The following NFIX variants were observed in gnomAD, a reference collection of about 807,000 sequenced individuals.
NFIX encodes nuclear factor I X.
NFIX carries 2 observed loss-of-function variants against 53.3 expected under a neutral mutation model. That is an observed-to-expected ratio of 0.04 (90% CI 0.02 to 0.12). NFIX has a LOEUF of 0.12. Among genes scored for constraint, NFIX ranks in the 10% least tolerant of loss-of-function variants. The probability of loss-of-function intolerance (pLI) is 1.00; values close to 1 mark genes in which losing one functional copy is unlikely to be tolerated. For synonymous variants in NFIX, 244 were observed against 289.0 expected (o/e 0.84, Z 1.58); for missense variants, 310 against 674.5 (o/e 0.46, Z 5.99).
Position 13,006,122 on chromosome 19 carries a change from T to C in NFIX, c.27+10258T>C, listed in dbSNP as rs1313943102. Reference sequence around the variant, plus strand: ...ACTGTGAATCTGATAAACAAGGGAGTGTCCAGTCCTTGAGATGGCGCTAGG... The same window carrying C: ...ACTGTGAATCTGATAAACAAGGGAGCGTCCAGTCCTTGAGATGGCGCTAGG... On this transcript the variant is annotated intron_variant, in intron 1 of 10. Transcript: ENST00000592199. The surrounding 1 kb of genome is among the most constrained non-coding windows in gnomAD (Gnocchi z 5.6). Among the ~76,000 whole-genome samples the C allele has an allele frequency of 2.0e-5, 3 of 151,888 alleles. No homozygotes were observed. Among genetic ancestry groups the C allele is most frequent in the Non-Finnish European group, 4.4e-5 (3 of 67,960 alleles).
At chr19:13,029,308 A>G (rs1599746352) in intron 2 of NFIX, among the ~76,000 whole-genome samples, 1 of 152,138 alleles carries the variant, frequency 6.6e-6, no homozygotes. Context: ...TACCACTATT[A>G]TACCCATTAA....
chr19:13,007,567 C>A (rs1255753664), intron 1 of NFIX, among the ~76,000 whole-genome samples: 1 of 152,196 alleles, frequency 6.6e-6, no homozygotes, highest in African/African-American at 2.4e-5. Context: ...CAACCTCTCC[C>A]TTTCCCTAAG....
rs1237200375 is a variant in NFIX, at chr19:13,049,956, AT to A, written c.560-23090del. ...TGTGCCACATTTTGTTTATCCATTC[AT>A]ACATTGATGGATATTTGGGCTCTTT... is the stretch of plus-strand genomic sequence containing the variant. On this transcript the variant is annotated intron_variant, in intron 2 of 10. Coordinates refer to ENST00000592199, the MANE Select transcript of NFIX (RefSeq NM_001365902.3). This position sits in a 1 kb window ranked among gnomAD's most constrained non-coding sequence, Gnocchi z 4.5. 6.6e-6 allele frequency among the ~76,000 whole-genome samples: 1 copy of A among 152,212 alleles called. No homozygotes were observed. Among genetic ancestry groups the A allele is most frequent in the African/African-American group, 2.4e-5 (1 of 41,448 alleles).
Position 13,043,467 on chromosome 19 carries a change from G to A in NFIX, c.559+17915G>A, listed in dbSNP as rs1254631823. On this transcript the variant is annotated intron_variant, in intron 2 of 10. Coordinates refer to ENST00000592199, the MANE Select transcript of NFIX (RefSeq NM_001365902.3). This position sits in a 1 kb window ranked among gnomAD's most constrained non-coding sequence, Gnocchi z 4.0. The stretch of plus-strand genomic sequence containing the variant: ...AGGTGCAAGCCCATGCTGGCCGCCA[G>A]CACGTGCCAGAGAGCTCCTGAGGAA... Among the ~76,000 whole-genome samples, 4 of 152,234 alleles carry A rather than the reference G, an allele frequency of 2.6e-5. No homozygotes were observed. The highest frequency in any genetic ancestry group is 7.2e-5 in the African/African-American group (3 of 41,458).
chr19:13,010,457 T>C (rs1478828927), intron 1 of NFIX, among the ~76,000 whole-genome samples: 1 of 152,268 alleles, frequency 6.6e-6, no homozygotes, highest in Non-Finnish European at 1.5e-5. Flanking sequence ...CAGCATGCCC[T>C]TGCCCGGCGC....
Position 13,012,598 on chromosome 19 carries a change from G to T in NFIX, c.28-12423G>T, listed in dbSNP as rs966451171. Among the ~76,000 whole-genome samples, 2 of 152,236 alleles carry T rather than the reference G, an allele frequency of 1.3e-5. No individual in the cohort carries two copies. Among genetic ancestry groups the T allele is most frequent in the African/African-American group, 4.8e-5 (2 of 41,468 alleles). Reference sequence around the variant, plus strand: ...TAGTTTGTCCCCCAGGCGCGCGGGGGTTGGGGGTTCAGGGCCGCCTGTGCC... The same window carrying T: ...TAGTTTGTCCCCCAGGCGCGCGGGGTTTGGGGGTTCAGGGCCGCCTGTGCC... On this transcript the variant is annotated intron_variant, in intron 1 of 10. Coordinates refer to ENST00000592199, the MANE Select transcript of NFIX (RefSeq NM_001365902.3). This position sits in a 1 kb window ranked among gnomAD's most constrained non-coding sequence, Gnocchi z 5.0.
At position 13,073,618 on chromosome 19, in the gene NFIX, A is replaced by G; in HGVS notation, c.697+122A>G. The G allele has an allele frequency of 2.2e-6, 2 of 919,224 alleles. No individual in the cohort carries two copies. Among genetic ancestry groups the G allele is most frequent in the Non-Finnish European group, 3.5e-6 (2 of 572,188 alleles). The allele number at this position is 919,224 out of a possible 1,614,324, so 56.9% of individuals were successfully genotyped here. ...GATGGGAACAGATGCTTTCTGGGAC[A>G]CTCTCGGCTTCACTGGTGCTGGGCT... is the stretch of plus-strand genomic sequence containing the variant. On this transcript the variant is annotated intron_variant, in intron 4 of 10. Coordinates refer to ENST00000592199, the MANE Select transcript of NFIX (RefSeq NM_001365902.3). The surrounding 1 kb of genome is among the most constrained non-coding windows in gnomAD (Gnocchi z 4.5).
In NFIX at chr19:13,021,658, C is replaced by T. The variant is rs1460481951; in HGVS notation, c.28-3363C>T. Among the ~76,000 whole-genome samples, 1 of 152,188 alleles carries T rather than the reference C, an allele frequency of 6.6e-6. No homozygotes were observed. The highest frequency in any genetic ancestry group is 1.5e-5 in the Non-Finnish European group (1 of 68,038). ...CTGCAGCCACATCCTTCTTCCTCTG[C>T]TTTTCCTTTTATGTCATATCTATTT... On this transcript the variant is annotated intron_variant, in intron 1 of 10. Coordinates refer to ENST00000592199, the MANE Select transcript of NFIX (RefSeq NM_001365902.3). This position sits in a 1 kb window ranked among gnomAD's most constrained non-coding sequence, Gnocchi z 4.2.
In NFIX at chr19:13,002,341, G is replaced by A. The variant is rs913988476; in HGVS notation, c.27+6477G>A. On this transcript the variant is annotated intron_variant, in intron 1 of 10. Transcript: ENST00000592199. This position sits in a 1 kb window ranked among gnomAD's most constrained non-coding sequence, Gnocchi z 6.1. The stretch of plus-strand genomic sequence containing the variant: ...GATTTTTGGCTCCAGCTCTGGGCGC[G>A]TTCACTAAAGGAAGAAGGGCTAGCT... Among the ~76,000 whole-genome samples the A allele has an allele frequency of 4.6e-5, 7 of 151,896 alleles. No homozygotes were observed. The highest frequency in any genetic ancestry group is 8.8e-5 in the Non-Finnish European group (6 of 67,954).
In NFIX at chr19:13,040,393, C is replaced by T. The variant is rs1045988255; in HGVS notation, c.559+14841C>T. Among the ~76,000 whole-genome samples the T allele has an allele frequency of 2.0e-5, 3 of 152,256 alleles. No homozygotes were observed. Among genetic ancestry groups the T allele is most frequent in the African/African-American group, 7.2e-5 (3 of 41,472 alleles). On this transcript the variant is annotated intron_variant, in intron 2 of 10. Transcript: ENST00000592199. This position sits in a 1 kb window ranked among gnomAD's most constrained non-coding sequence, Gnocchi z 4.2. Reference sequence around the variant, plus strand: ...ACTTGGTCTGCGGAGCAGCCAAACTCACTCGTGACAGGGTCTCTTCCCGTG... The same window carrying T: ...ACTTGGTCTGCGGAGCAGCCAAACTTACTCGTGACAGGGTCTCTTCCCGTG...
rs141145531 is a variant in NFIX, at chr19:13,014,961, C to T, written c.28-10060C>T. On this transcript the variant is annotated intron_variant, in intron 1 of 10. Coordinates refer to ENST00000592199, the MANE Select transcript of NFIX (RefSeq NM_001365902.3). This position sits in a 1 kb window ranked among gnomAD's most constrained non-coding sequence, Gnocchi z 4.4. The stretch of plus-strand genomic sequence containing the variant: ...AGAAGGGAAAGGGGATCCTGAAGTG[C>T]CTGAGGAAGAAACAGCAATGAGAAA... Among the ~76,000 whole-genome samples, 485 of 152,258 alleles carry T rather than the reference C, an allele frequency of 3.2e-3. 2 individuals carry two copies. The highest frequency in any genetic ancestry group is 0.011 in the African/African-American group (448 of 41,534).
intron 2 of NFIX, among the ~76,000 whole-genome samples, chr19:13,058,190 G>C (rs2015833504): frequency 6.6e-6 from 1 of 152,048 alleles, no homozygotes; most frequent in Non-Finnish European, 1.5e-5. Flanking sequence ...GAGGGGTTTT[G>C]CATGGGCTTC....
In NFIX at chr19:13,080,799, G is replaced by C. The variant is rs181882158; in HGVS notation, c.1079-881G>C. ...GCGGATCACAAGGTCAGGAGATCGA[G>C]ACCATTCTGGCTAACACGGTGAAAC... On this transcript the variant is annotated intron_variant, in intron 7 of 10. Transcript: ENST00000592199. Among the ~76,000 whole-genome samples the C allele has an allele frequency of 3.8e-3, 580 of 152,094 alleles. 17 individuals carry two copies. Among genetic ancestry groups the C allele is most frequent in the Admixed American group, 0.033 (510 of 15,284 alleles).
At chr19:13,064,636 C>T (rs1042063779) in intron 2 of NFIX, among the ~76,000 whole-genome samples, 3 of 152,154 alleles carry the variant, frequency 2.0e-5, no homozygotes, top group Admixed American at 1.3e-4. Flanking sequence ...CAAGGGAGCC[C>T]CTCTGTTCAC....
rs556664493 is a variant in NFIX at position 13,004,454 on chromosome 19, C to G, written c.27+8590C>G. ...TGCCATGTACACAGTCCAGTGTTACCCCAGCACACAGGGACGAGAGCCACA... is the reference window on the plus strand; with the variant it reads ...TGCCATGTACACAGTCCAGTGTTACGCCAGCACACAGGGACGAGAGCCACA... On this transcript the variant is annotated intron_variant, in intron 1 of 10. Coordinates refer to ENST00000592199, the MANE Select transcript of NFIX (RefSeq NM_001365902.3). 5.9e-5 allele frequency among the ~76,000 whole-genome samples: 9 copies of G among 152,258 alleles called. No homozygotes were observed. In the East Asian group the frequency reaches 1.5e-3, roughly 26 times the overall value.
chr19:13,039,245 C>CACGTGT (rs146029256), intron 2 of NFIX, among the ~76,000 whole-genome samples: 22 of 148,590 alleles, frequency 1.5e-4, no homozygotes, highest in African/African-American at 5.1e-4. Context: ...CACACATACA[C>CACGTGT]GTGTGTGTGT....
chr19:13,074,410 CG>C lies in NFIX; in HGVS notation c.818+388del, dbSNP rs780308997. ...TCCCAGTTCAGCCTGCACAGGCTGGCGGGGCACCCTGCAGAGGGCTTTGGAG... is the reference window on the plus strand; with the variant it reads ...TCCCAGTTCAGCCTGCACAGGCTGGCGGGCACCCTGCAGAGGGCTTTGGAG... On this transcript the variant is annotated intron_variant, in intron 5 of 10. Transcript: ENST00000592199. Among the ~76,000 whole-genome samples the C allele has an allele frequency of 1.3e-3, 199 of 152,270 alleles. 1 individual carries two copies. Among genetic ancestry groups the C allele is most frequent in the Non-Finnish European group, 2.2e-3 (149 of 68,020 alleles).
chr19:13,091,031 A>G (rs1599882395), intron 10 of NFIX, among the ~76,000 whole-genome samples: 1 of 152,134 alleles, frequency 6.6e-6, no homozygotes, highest in East Asian at 1.9e-4. Context: ...AGCAGGGCAT[A>G]AGACTACTCT....
intron 2 of NFIX, among the ~76,000 whole-genome samples, chr19:13,038,104 C>T (rs547580058): frequency 2.0e-5 from 3 of 152,180 alleles, no homozygotes; most frequent in Non-Finnish European, 2.9e-5. Context: ...TCTAGGAAAT[C>T]GTGTGGCTTC....
Sources: allele counts gnomAD v4.1 joint callset (sites outside exome capture counted in the v4.1 genomes callset), GRCh38; gene constraint gnomAD v4.1.1; non-coding constraint Gnocchi (gnomAD v3.1); transcripts MANE v1.5; gene names NCBI Gene and HGNC (gene_info 2026-07-23, HGNC 2026-07-21).